The following CTNNA2 variants were observed in gnomAD, a reference collection of about 807,000 sequenced individuals.
CTNNA2 encodes catenin alpha-2.
Under a neutral mutation model 101.0 loss-of-function variants are expected in CTNNA2, and 42 were observed. The ratio of observed to expected loss-of-function variants is 0.42; its 90% CI spans 0.32 to 0.54. The LOEUF is 0.54. Ranked by LOEUF, CTNNA2 falls within the 20% of genes least tolerant of loss-of-function variation. CTNNA2 has a pLI of 0.14. For missense variants in CTNNA2, 871 were observed against 1,223.1 expected (o/e 0.71, Z 4.29); for synonymous variants, 450 against 456.4 (o/e 0.99, Z 0.18).
intron 7 of CTNNA2, among the ~76,000 whole-genome samples, chr2:80,381,510 T>C (rs112269508): frequency 1.1e-3 from 174 of 152,108 alleles, no homozygotes; most frequent in African/African-American, 4.1e-3. Context: ...AACAACGAGA[T>C]AGAGATTGAA....
At chr2:79,963,874 G>T (rs577692370) in intron 7 of CTNNA2, among the ~76,000 whole-genome samples, 7 of 152,242 alleles carry the variant, frequency 4.6e-5, no homozygotes, top group Non-Finnish European at 7.4e-5. Context: ...AGCAAGTAGC[G>T]TTTATCTTTC....
intron 2 of CTNNA2, among the ~76,000 whole-genome samples, chr2:79,709,950 A>C (rs116575962): frequency 0.011 from 1,630 of 152,230 alleles, 18 homozygotes; most frequent in South Asian, 0.024. Context: ...AAGTGGAATG[A>C]GCTCTGATTT....
At chr2:79,577,422 A>G (rs1675867373) in intron 1 of CTNNA2, among the ~76,000 whole-genome samples, 1 of 152,068 alleles carries the variant, frequency 6.6e-6, no homozygotes, top group Non-Finnish European at 1.5e-5. Context: ...TTGAAATGTT[A>G]TTTTGGGTCA....
rs1053558668 is a variant in CTNNA2 at position 80,269,010 on chromosome 2, A to AAAG, written c.1057-124198_1057-124196dup. On this transcript the variant is annotated intron_variant, in intron 7 of 18. Transcript: ENST00000402739. ...ATCTATGTATTTCAATGCAGTAGTC[A>AAAG]AAGAAATAGCTGTCTGCTCAAGAAA... Among the ~76,000 whole-genome samples, 47 of 152,364 alleles carry AAAG rather than the reference A, an allele frequency of 3.1e-4. 1 individual carries two copies. The highest frequency in any genetic ancestry group is 9.6e-4 in the African/African-American group (40 of 41,586).
At chr2:80,617,045 A>G (rs995140935) in intron 17 of CTNNA2, among the ~76,000 whole-genome samples, 3 of 151,706 alleles carry the variant, frequency 2.0e-5, no homozygotes, top group African/African-American at 7.3e-5. Flanking sequence ...GTTTAACTCC[A>G]TTTTTATTTT....
At chr2:80,092,547 A>C (rs539285317) in intron 7 of CTNNA2, among the ~76,000 whole-genome samples, 3 of 152,138 alleles carry the variant, frequency 2.0e-5, no homozygotes, top group Admixed American at 6.5e-5. Flanking sequence ...ATTCCTGTTC[A>C]GTGACATGAG....
chr2:79,843,199 T>C (rs1307063939), intron 3 of CTNNA2, among the ~76,000 whole-genome samples: 1 of 152,236 alleles, frequency 6.6e-6, no homozygotes, highest in African/African-American at 2.4e-5. Context: ...GTGTGCACTT[T>C]GGTGGAAAGT....
At chr2:80,639,252 C>T (rs1187216619) in intron 18 of CTNNA2, among the ~76,000 whole-genome samples, 1 of 152,116 alleles carries the variant, frequency 6.6e-6, no homozygotes, top group Non-Finnish European at 1.5e-5. Context: ...TTCTGTCACC[C>T]AGGGTGGAGT....
At chr2:80,507,730 T>C (rs901972038) in intron 9 of CTNNA2, among the ~76,000 whole-genome samples, 1 of 152,188 alleles carries the variant, frequency 6.6e-6, no homozygotes, top group Non-Finnish European at 1.5e-5. Context: ...TAAATTGCAA[T>C]AGAAAATGCT....
At chr2:79,434,595 G>T (rs947038519) in intron 4 of CTNNA2, among the ~76,000 whole-genome samples, 1 of 152,184 alleles carries the variant, frequency 6.6e-6, no homozygotes, top group Non-Finnish European at 1.5e-5. Flanking sequence ...GGCTGGAGGG[G>T]CAAGGTCTAT....
chr2:79,247,982 T>G (rs372030635), intron 2 of CTNNA2, among the ~76,000 whole-genome samples: 37 of 152,324 alleles, frequency 2.4e-4, no homozygotes, highest in South Asian at 1.7e-3. Context: ...CTTCCAGAAC[T>G]ATGAAAAAAT....
chr2:80,198,753 T>A (rs1012381878), intron 7 of CTNNA2, among the ~76,000 whole-genome samples: 13 of 152,348 alleles, frequency 8.5e-5, no homozygotes, highest in African/African-American at 3.1e-4. Flanking sequence ...AGAGGATTTA[T>A]GTTGACTATA....
At chr2:79,309,871 C>G (rs28607023) in intron 2 of CTNNA2, among the ~76,000 whole-genome samples, 10,854 of 152,178 alleles carry the variant, frequency 0.071, 469 homozygotes, top group African/African-American at 0.11. Flanking sequence ...TACATTTCTC[C>G]TTTGCTTCAG....
At chr2:80,236,845 C>T (rs1709576570) in intron 7 of CTNNA2, among the ~76,000 whole-genome samples, 1 of 152,178 alleles carries the variant, frequency 6.6e-6, no homozygotes, top group South Asian at 2.1e-4. Context: ...TAGGCTTCTC[C>T]TCACTATTAA....
chr2:79,380,441 C>T (rs1249290384), intron 4 of CTNNA2, among the ~76,000 whole-genome samples: 1 of 151,966 alleles, frequency 6.6e-6, no homozygotes, highest in Non-Finnish European at 1.5e-5. Flanking sequence ...CAACTGGGCC[C>T]TAAAGAGATA....
intron 1 of CTNNA2, among the ~76,000 whole-genome samples, chr2:79,603,789 C>T (rs1677705747): frequency 6.6e-6 from 1 of 152,106 alleles, no homozygotes; most frequent in African/African-American, 2.4e-5. Flanking sequence ...ATCATGTGAC[C>T]TCAGGCCATG....
chr2:79,545,930 C>A (rs1444332982), intron 1 of CTNNA2, among the ~76,000 whole-genome samples: 1 of 152,116 alleles, frequency 6.6e-6, no homozygotes, highest in African/African-American at 2.4e-5. Context: ...TTTAATACAA[C>A]AATCATATGA....
intron 2 of CTNNA2, among the ~76,000 whole-genome samples, chr2:79,236,794 G>A (rs1274555944): frequency 6.6e-6 from 1 of 152,158 alleles, no homozygotes; most frequent in Non-Finnish European, 1.5e-5. Context: ...GCCCTCATCA[G>A]TTCAGGTTTT....
chr2:79,436,707 C>A (rs1678720506), intron 4 of CTNNA2, among the ~76,000 whole-genome samples: 1 of 151,954 alleles, frequency 6.6e-6, no homozygotes, highest in African/African-American at 2.4e-5. Flanking sequence ...TCTCGGCTCA[C>A]TGCAAGCTTC....
Sources: allele counts gnomAD v4.1 joint callset (sites outside exome capture counted in the v4.1 genomes callset), GRCh38; gene constraint gnomAD v4.1.1; transcripts MANE v1.5; gene names NCBI Gene and HGNC (gene_info 2026-07-23, HGNC 2026-07-21).